The following SUGP2 variants were observed in gnomAD, a reference collection of about 807,000 sequenced individuals.
SUGP2 encodes SURP and G-patch domain-containing protein 2.
A neutral mutation model predicts 90.5 loss-of-function variants in SUGP2; 24 were observed. That is an observed-to-expected ratio of 0.27 (90% confidence interval 0.19 to 0.37). The LOEUF (loss-of-function observed/expected upper bound fraction) is 0.37, where lower values mean the gene tolerates loss of function less well. SUGP2 is among the 10% of genes least tolerant of loss of function. SUGP2 has a pLI of 1.00. For synonymous variants in SUGP2, 473 were observed against 513.4 expected, an observed-to-expected ratio of 0.92 and a Z score of 1.06; for missense variants, 1,233 against 1,363.3, an observed-to-expected ratio of 0.90 and a Z score of 1.51.
intron 6 of SUGP2, 139 bp downstream of exon 6, chr19:19,008,178 C>T: frequency 2.7e-6 from 2 of 750,056 alleles, no homozygotes; most frequent in Non-Finnish European, 4.8e-6. Flanking sequence ...GTGGAGCACA[C>T]CTGTGGTCCC....
intron 8 of SUGP2, 88 bp from the exon 9 acceptor site, chr19:18,995,368 C>T: frequency 7.1e-7 from 1 of 1,405,634 alleles, no homozygotes; most frequent in South Asian, 1.5e-5. Context: ...GAGCCCCTCA[C>T]CCCCAAATGC....
chr19:19,002,923 C>A (rs1026305834), intron 7 of SUGP2, among the ~76,000 whole-genome samples: 1 of 152,120 alleles, frequency 6.6e-6, no homozygotes, highest in African/African-American at 2.4e-5. Context: ...CACTCTGATA[C>A]ACTACCTGCC....
intron 1 of SUGP2, among the ~76,000 whole-genome samples, chr19:19,032,452 G>A (rs559883491): frequency 5.9e-5 from 9 of 152,214 alleles, no homozygotes; most frequent in African/African-American, 1.9e-4. Context: ...GAGCCACTGC[G>A]CCTGGCCCAG....
intron 4 of SUGP2, among the ~76,000 whole-genome samples, chr19:19,018,409 C>T (rs563851582): frequency 9.9e-5 from 15 of 151,652 alleles, no homozygotes; most frequent in African/African-American, 7.3e-5. Flanking sequence ...GTTGTTCGGC[C>T]GGGCGCGGTG....
chr19:18,994,998 T>C (rs548712508), intron 9 of SUGP2, 146 bp downstream of exon 9: 2 of 923,034 alleles, frequency 2.2e-6, no homozygotes, highest in East Asian at 5.3e-5. Context: ...AATGATCAGC[T>C]TCTCATCTGA....
At chr19:19,016,867 G>C (rs2058519841) in intron 4 of SUGP2, among the ~76,000 whole-genome samples, 1 of 152,124 alleles carries the variant, frequency 6.6e-6, no homozygotes, top group Non-Finnish European at 1.5e-5. Context: ...GGACAATTAG[G>C]TTATTTGGGA....
In SUGP2 at chr19:19,024,807, A is replaced by C. The variant is rs2058859710; in HGVS notation, c.1541T>G (p.Phe514Cys). ...LQDIAPSPAA[F>C]PNFEDSTLFG... ...CAAAGTGGAGTCTTCGAAGTTTGGA[A>C]ACGCAGCAGGTGAGGGAGCTATATC... The change falls in exon 3 of 11, where the codon TTT becomes TGT. Residue 514 changes from phenylalanine (F) to cysteine (C), a missense_variant. Coordinates refer to ENST00000452918, the MANE Select transcript of SUGP2 (RefSeq NM_001017392.5). 1 of 1,614,074 alleles carries C rather than the reference A, an allele frequency of 6.2e-7. No homozygotes were observed.
At chr19:18,997,782 C>CAAAAAAAAAAAAAA (rs35875282) in intron 8 of SUGP2, among the ~76,000 whole-genome samples, 1 of 88,286 alleles carries the variant, frequency 1.1e-5, no homozygotes, top group Non-Finnish European at 2.2e-5. Context: ...GACTCCGTCT[C>CAAAAAAAAAAAAAA]AAAAAAAAAA....
chr19:19,019,268 A>C (rs1323492790), intron 3 of SUGP2, 39 bp from the exon 4 acceptor site: 2 of 1,589,388 alleles, frequency 1.3e-6, no homozygotes, highest in Non-Finnish European at 1.7e-6. Flanking sequence ...AAATATGCTG[A>C]ATGTGGGCTC....
intron 4 of SUGP2, among the ~76,000 whole-genome samples, chr19:19,014,282 C>T (rs2058412321): frequency 6.6e-6 from 1 of 152,138 alleles, no homozygotes; most frequent in African/African-American, 2.4e-5. Flanking sequence ...TGTGAGTAAC[C>T]GCACCTGGCT....
At chr19:19,033,363 C>T in intron 1 of SUGP2, 74 bp downstream of exon 1, 6 of 1,170,074 alleles carry the variant, frequency 5.1e-6, no homozygotes, top group Non-Finnish European at 6.3e-6. Context: ...GAGCCCGGGG[C>T]GGGCCCCCAA....
chr19:19,027,219 A>C (rs1231814319), intron 2 of SUGP2, among the ~76,000 whole-genome samples: 1 of 152,228 alleles, frequency 6.6e-6, no homozygotes, highest in Non-Finnish European at 1.5e-5. Flanking sequence ...CGGGCATATG[A>C]GAACAGTGGG....
chr19:19,031,310 G>A (rs1367420444), intron 1 of SUGP2, among the ~76,000 whole-genome samples: 8 of 152,090 alleles, frequency 5.3e-5, no homozygotes, highest in Admixed American at 4.6e-4. Flanking sequence ...GAGGTGAGCG[G>A]ATCATTTAAA....
At chr19:18,996,439 TAG>T (rs1244844625) in intron 8 of SUGP2, among the ~76,000 whole-genome samples, 3 of 150,774 alleles carry the variant, frequency 2.0e-5, no homozygotes, top group African/African-American at 5.0e-5. Context: ...TTTTTAAATA[TAG>T]AGTCTTGCTA....
intron 8 of SUGP2, among the ~76,000 whole-genome samples, 182 bp from the exon 9 acceptor site, chr19:18,995,462 T>A (rs1297940186): frequency 6.6e-6 from 1 of 152,190 alleles, no homozygotes; most frequent in East Asian, 1.9e-4. Context: ...ATGGAACTTC[T>A]AAGTCAGAGG....
At chr19:19,029,507 T>G (rs1568467846) in intron 2 of SUGP2, among the ~76,000 whole-genome samples, 2 of 151,134 alleles carry the variant, frequency 1.3e-5, no homozygotes, top group Non-Finnish European at 3.0e-5. Flanking sequence ...AGCGCAATCT[T>G]GGCTCACTGC....
intron 7 of SUGP2, among the ~76,000 whole-genome samples, chr19:19,002,188 T>C (rs1036523367): frequency 1.7e-4 from 26 of 152,148 alleles, no homozygotes; most frequent in African/African-American, 6.0e-4. Context: ...GAGACCAGCC[T>C]GGCCAGCATG....
In SUGP2 at chr19:19,010,217, C is replaced by G. The variant is rs755620344; in HGVS notation, c.1976G>C (p.Arg659Thr). 1 of 1,614,022 alleles carries G rather than the reference C, an allele frequency of 6.2e-7. No homozygotes were observed. The highest frequency in any genetic ancestry group is 8.5e-7 in the Non-Finnish European group (1 of 1,180,024). ...GACAGCCCGGGAGTACAGCATGGCC[C>G]TCACTGCACAGTCTGCTGAGGTCGG... Reference protein sequence around the residue: ...QKPTSADCAVRAMLYSRAVRN... With the variant: ...QKPTSADCAVTAMLYSRAVRN... The change falls in exon 5 of 11, where the codon AGG becomes ACG. Residue 659 changes from arginine to threonine, a missense_variant. Physicochemically the swap from Arg to Thr is moderately conservative, Grantham distance 71 (BLOSUM62 -1). Transcript: ENST00000452918.
chr19:19,026,548 CG>C (rs2058940865), intron 2 of SUGP2, among the ~76,000 whole-genome samples: 1 of 152,174 alleles, frequency 6.6e-6, no homozygotes, highest in South Asian at 2.1e-4. Context: ...CAACAGCCCT[CG>C]CTCATTCAGA....
Sources: allele counts gnomAD v4.1 joint callset (sites outside exome capture counted in the v4.1 genomes callset), GRCh38; gene constraint gnomAD v4.1.1; transcripts MANE v1.5; gene names NCBI Gene and HGNC (gene_info 2026-07-23, HGNC 2026-07-21).